WBP2NL: variants seen among roughly 807,000 people sequenced by gnomAD.
WBP2NL encodes WBP2 N-terminal like.
WBP2NL carries 27 observed loss-of-function variants against 23.3 expected under a neutral mutation model. The ratio of observed to expected loss-of-function variants is 1.16; its 90% CI spans 0.85 to 1.60. The LOEUF is 1.60. Ranked by LOEUF, WBP2NL falls within the 40% of genes most tolerant of loss-of-function variation. The pLI, the probability that WBP2NL is intolerant of heterozygous loss-of-function variation, is 0.00. For missense variants in WBP2NL, 370 were observed against 389.5 expected, an observed-to-expected ratio of 0.95 and a Z score of 0.42; for synonymous variants, 151 against 145.9, an observed-to-expected ratio of 1.03 and a Z score of -0.25.
intron 1 of WBP2NL, among the ~76,000 whole-genome samples, chr22:42,010,205 C>G (rs1427230371): frequency 6.6e-6 from 1 of 152,168 alleles, no homozygotes; most frequent in East Asian, 1.9e-4. Flanking sequence ...TTGGTGGACT[C>G]TTTAAGTTTA....
chr22:42,023,276 C>A (rs1482140191), intron 5 of WBP2NL, among the ~76,000 whole-genome samples: 2 of 151,928 alleles, frequency 1.3e-5, no homozygotes, highest in Non-Finnish European at 2.9e-5. Context: ...CCTCGACCCC[C>A]TGGGCTCAAG....
At chr22:42,056,828 A>C (rs1215358887) in intron 8 of WBP2NL, among the ~76,000 whole-genome samples, 2 of 152,136 alleles carry the variant, frequency 1.3e-5, no homozygotes, top group Non-Finnish European at 2.9e-5. Context: ...CTAGTGCCTC[A>C]AGCATTTATC....
intron 1 of WBP2NL, chr22:42,001,961 T>C: frequency 1.5e-6 from 2 of 1,328,800 alleles, no homozygotes; most frequent in South Asian, 1.9e-5. Context: ...CAGCAGCCTC[T>C]GTGATGTCGA....
chr22:42,046,414 G>T (rs1925588723), intron 8 of WBP2NL, among the ~76,000 whole-genome samples: 1 of 151,968 alleles, frequency 6.6e-6, no homozygotes, highest in African/African-American at 2.4e-5. Flanking sequence ...TCCTATAATG[G>T]GAGCATCACC....
At chr22:42,033,742 TC>T (rs1456431651), downstream of WBP2NL, among the ~76,000 whole-genome samples, 1 of 152,046 alleles carries the variant, frequency 6.6e-6, no homozygotes, top group Non-Finnish European at 1.5e-5. Flanking sequence ...CAGAGAGGGG[TC>T]CTGGAATGGG....
chr22:42,033,114 A>C (rs908742931), downstream of WBP2NL, among the ~76,000 whole-genome samples: 2 of 152,062 alleles, frequency 1.3e-5, no homozygotes, highest in African/African-American at 4.8e-5. Flanking sequence ...ATGGAGTGAC[A>C]AGGGGTGTGT....
At chr22:42,028,889 A>C (rs907737658), downstream of WBP2NL, among the ~76,000 whole-genome samples, 1 of 152,222 alleles carries the variant, frequency 6.6e-6, no homozygotes, top group African/African-American at 2.4e-5. Context: ...ACGTTTCAGG[A>C]TGTCTTGCAT....
At chr22:42,049,870 G>A in intron 8 of WBP2NL, among the ~76,000 whole-genome samples, 1 of 151,028 alleles carries the variant, frequency 6.6e-6, no homozygotes. Flanking sequence ...CCAGCTACTG[G>A]GGAGGCTGAG....
chr22:42,045,344 G>A (rs901871022), intron 8 of WBP2NL, among the ~76,000 whole-genome samples: 3 of 152,134 alleles, frequency 2.0e-5, no homozygotes, highest in Admixed American at 1.3e-4. Context: ...TGGAGGCTGA[G>A]GCAGGAGAAT....
chr22:42,014,772 G>A (rs1923155619), intron 1 of WBP2NL, among the ~76,000 whole-genome samples: 1 of 152,092 alleles, frequency 6.6e-6, no homozygotes, highest in Admixed American at 6.5e-5. Flanking sequence ...GTTCATTTCA[G>A]TTGTAGTCTT....
downstream of WBP2NL, among the ~76,000 whole-genome samples, chr22:42,033,181 G>A (rs1053452017): frequency 1.3e-5 from 2 of 152,192 alleles, no homozygotes; most frequent in Non-Finnish European, 2.9e-5. Context: ...CTGCAGTGGG[G>A]TGGTCAGCTC....
At chr22:42,043,780 GC>G (rs1207153750) in intron 8 of WBP2NL, among the ~76,000 whole-genome samples, 1 of 151,788 alleles carries the variant, frequency 6.6e-6, no homozygotes, top group Non-Finnish European at 1.5e-5. Flanking sequence ...AGGCTAGAGT[GC>G]AGTGGCGCGA....
At chr22:42,018,390 A>G (rs1474119109) in intron 1 of WBP2NL, among the ~76,000 whole-genome samples, 1 of 150,330 alleles carries the variant, frequency 6.7e-6, no homozygotes, top group Non-Finnish European at 1.5e-5. Flanking sequence ...AAATGGAAGG[A>G]AAGAAGGGAA....
At chr22:42,049,196 C>T (rs548114193) in intron 8 of WBP2NL, among the ~76,000 whole-genome samples, 8 of 152,022 alleles carry the variant, frequency 5.3e-5, no homozygotes, top group South Asian at 2.1e-4. Flanking sequence ...CAGAATGTAC[C>T]GCACAAATAT....
At chr22:42,047,686 G>A (rs1305264525) in intron 8 of WBP2NL, among the ~76,000 whole-genome samples, 2 of 130,078 alleles carry the variant, frequency 1.5e-5, no homozygotes, top group East Asian at 2.2e-4. Context: ...CAGTGGCGCC[G>A]TCTCAGCTTA....
chr22:42,013,139 G>A (rs1471026375), intron 1 of WBP2NL, among the ~76,000 whole-genome samples: 3 of 151,924 alleles, frequency 2.0e-5, no homozygotes, highest in Admixed American at 6.6e-5. Context: ...TTGGGAGCCC[G>A]AGGTGAGCAG....
chr22:42,003,158 CAAA>C (rs133311), intron 1 of WBP2NL: 16 of 140,044 alleles, frequency 1.1e-4, no homozygotes, highest in East Asian at 2.1e-4. Flanking sequence ...AACTCCATCT[CAAA>C]AAAAAAAAAA....
intron 1 of WBP2NL, among the ~76,000 whole-genome samples, chr22:42,004,596 G>C (rs1214432825): frequency 6.6e-6 from 1 of 151,944 alleles, no homozygotes; most frequent in Non-Finnish European, 1.5e-5. Flanking sequence ...GTGAGACCCT[G>C]TCTCAAAAAA....
intron 8 of WBP2NL, among the ~76,000 whole-genome samples, chr22:42,056,050 C>T (rs1005778786): frequency 6.6e-6 from 1 of 152,076 alleles, no homozygotes; most frequent in Admixed American, 6.6e-5. Context: ...AAGGTTTATA[C>T]ATTTGTCATT....
Sources: gnomAD v4.1 joint callset for allele counts (sites outside exome capture counted in the v4.1 genomes callset) on GRCh38, gnomAD v4.1.1 for gene constraint, MANE v1.5 for transcripts, NCBI Gene and HGNC (gene_info 2026-07-23, HGNC 2026-07-21) for gene names.